The following PDE1A variants were observed in gnomAD, a reference collection of about 807,000 sequenced individuals.
PDE1A encodes phosphodiesterase 1A.
A neutral mutation model predicts 61.7 loss-of-function variants in PDE1A; 35 were observed. The observed-to-expected ratio is 0.57, with a 90% CI of 0.43 to 0.75. The LOEUF (loss-of-function observed/expected upper bound fraction) is 0.75, where lower values mean the gene tolerates loss of function less well. PDE1A is among the 30% of genes least tolerant of loss of function. PDE1A has a pLI of 0.00. For missense variants in PDE1A, 597 were observed against 630.6 expected (o/e 0.95, Z 0.57); for synonymous variants, 232 against 213.2 (o/e 1.09, Z -0.77).
intron 1 of PDE1A, among the ~76,000 whole-genome samples, chr2:182,330,428 A>T (rs1347322198): frequency 6.6e-6 from 1 of 152,068 alleles, no homozygotes; most frequent in African/African-American, 2.4e-5. Flanking sequence ...CAGAAGGGTT[A>T]TAAGCCTACT....
chr2:182,432,143 A>T (rs1703982354), intron 2 of PDE1A, among the ~76,000 whole-genome samples: 1 of 152,088 alleles, frequency 6.6e-6, no homozygotes, highest in South Asian at 2.1e-4. Context: ...CAGTTTCCTC[A>T]CTAATCAAAC....
At chr2:182,634,841 T>A in the PDE1A span, among the ~76,000 whole-genome samples, 1 of 152,238 alleles carries the variant, frequency 6.6e-6, no homozygotes, top group African/African-American at 2.4e-5. Context: ...GATTCATCTT[T>A]AGTCAAAGCT....
chr2:182,162,695 G>A (rs912636463), intron 13 of PDE1A, among the ~76,000 whole-genome samples: 37 of 152,090 alleles, frequency 2.4e-4, no homozygotes, highest in African/African-American at 8.5e-4. Context: ...AGGGATGACT[G>A]GCCACTGGCT....
chr2:182,184,244 A>G (rs538493248), intron 13 of PDE1A, among the ~76,000 whole-genome samples: 1 of 121,980 alleles, frequency 8.2e-6, no homozygotes, highest in Non-Finnish European at 1.7e-5. Context: ...AAGCTAGTGA[A>G]CACTAAGTAG....
chr2:182,641,888 A>C, the PDE1A span, among the ~76,000 whole-genome samples: 1 of 152,222 alleles, frequency 6.6e-6, no homozygotes, highest in Non-Finnish European at 1.5e-5. Context: ...TCAATTGTCG[A>C]AAGGTGCATC....
intron 1 of PDE1A, among the ~76,000 whole-genome samples, chr2:182,304,985 T>C (rs1283239373): frequency 2.0e-5 from 3 of 152,138 alleles, no homozygotes; most frequent in Admixed American, 1.3e-4. Context: ...AGACCCCAAC[T>C]CCATTGTCCC....
intron 6 of PDE1A, among the ~76,000 whole-genome samples, chr2:182,227,535 G>A (rs1211029194): frequency 6.6e-6 from 1 of 151,988 alleles, no homozygotes; most frequent in Non-Finnish European, 1.5e-5. Context: ...TACCAGTATA[G>A]AAAATTGGCA....
intron 1 of PDE1A, among the ~76,000 whole-genome samples, chr2:182,283,835 ACT>A (rs1214739190): frequency 2.0e-5 from 3 of 152,066 alleles, no homozygotes; most frequent in African/African-American, 7.2e-5. Context: ...GTTAGCTAGG[ACT>A]CTATGAAAAG....
At chr2:182,411,903 C>T (rs865792171) in intron 1 of PDE1A, among the ~76,000 whole-genome samples, 1 of 151,768 alleles carries the variant, frequency 6.6e-6, no homozygotes, top group East Asian at 1.9e-4. Context: ...ACTAAAAATA[C>T]AAAAATTAGC....
intron 1 of PDE1A, among the ~76,000 whole-genome samples, chr2:182,332,164 T>A (rs1697456937): frequency 6.6e-6 from 1 of 152,218 alleles, no homozygotes; most frequent in Non-Finnish European, 1.5e-5. Context: ...TTGTGTATGG[T>A]TCACAAAGTT....
intron 13 of PDE1A, among the ~76,000 whole-genome samples, chr2:182,148,008 T>C (rs1234582221): frequency 1.3e-5 from 2 of 152,194 alleles, no homozygotes; most frequent in Non-Finnish European, 1.5e-5. Flanking sequence ...ACATACAGAA[T>C]TTATAAGGTG....
the PDE1A span, among the ~76,000 whole-genome samples, chr2:182,655,889 T>C: frequency 6.6e-6 from 1 of 152,208 alleles, no homozygotes; most frequent in Non-Finnish European, 1.5e-5. Flanking sequence ...ACTTGACCAC[T>C]GTCACAATTA....
chr2:182,627,860 C>G, the PDE1A span, among the ~76,000 whole-genome samples: 3 of 150,994 alleles, frequency 2.0e-5, no homozygotes, highest in Non-Finnish European at 2.9e-5. Flanking sequence ...AGGAGAATCA[C>G]TTGAACCCGG....
intron 2 of PDE1A, among the ~76,000 whole-genome samples, chr2:182,463,927 T>C (rs775890874): frequency 3.3e-5 from 5 of 152,104 alleles, no homozygotes; most frequent in Non-Finnish European, 5.9e-5. Flanking sequence ...AATTATCTCC[T>C]GGCAAAGAAA....
chr2:182,292,337 G>T (rs1694592582), intron 1 of PDE1A, among the ~76,000 whole-genome samples: 1 of 151,738 alleles, frequency 6.6e-6, no homozygotes, highest in South Asian at 2.1e-4. Context: ...AGTGTCTATA[G>T]ATCTAACAAT....
Position 182,147,296 on chromosome 2 carries a change from C to A in PDE1A, c.1517-144G>T, listed in dbSNP as rs560439854. 1.1e-5 allele frequency: 6 copies of A among 532,434 alleles called. No homozygotes were observed. In the East Asian group the frequency reaches 1.8e-4, roughly 16 times the overall value. 33.0% of individuals were successfully genotyped at this position (532,434 alleles called of 1,614,324 possible). A position where few individuals can be genotyped will look rare whatever the true frequency, so the allele number is the denominator to read the frequency against. The stretch of plus-strand genomic sequence containing the variant: ...TTGTGGCACATTTTTTCAAAGACAC[C>A]AAACATCTTCCTTTCAGCCTGTGGA... On this transcript the variant is annotated intron_variant, in intron 13 of 13. Coordinates refer to the PDE1A transcript ENST00000409365.
chr2:182,572,794 G>A, the PDE1A span, among the ~76,000 whole-genome samples: 2 of 151,236 alleles, frequency 1.3e-5, no homozygotes, highest in South Asian at 4.2e-4. Flanking sequence ...GTGTGAACCC[G>A]GGAGGCGGAG....
At chr2:182,621,893 T>C in the PDE1A span, among the ~76,000 whole-genome samples, 1 of 152,178 alleles carries the variant, frequency 6.6e-6, no homozygotes, top group African/African-American at 2.4e-5. Flanking sequence ...TTCCTTTGGT[T>C]TGCTAATTTA....
chr2:182,555,492 T>C, the PDE1A span, among the ~76,000 whole-genome samples: 27 of 152,348 alleles, frequency 1.8e-4, no homozygotes, highest in African/African-American at 6.0e-4. Context: ...TTTTATGTTA[T>C]AGTGCAGTGA....
Sources: gnomAD v4.1 joint callset for allele counts (sites outside exome capture counted in the v4.1 genomes callset) on GRCh38, gnomAD v4.1.1 for gene constraint, MANE v1.5 for transcripts, NCBI Gene and HGNC (gene_info 2026-07-23, HGNC 2026-07-21) for gene names.